CACNG5: variants seen among roughly 807,000 people sequenced by gnomAD.
The protein encoded by CACNG5 is voltage-dependent calcium channel gamma-5 subunit.
CACNG5 carries 18 observed loss-of-function variants against 24.8 expected under a neutral mutation model. That is an observed-to-expected ratio of 0.73 (90% CI 0.50 to 1.08). CACNG5 has a LOEUF of 1.08. Among genes scored for constraint, CACNG5 ranks in the 50% least tolerant of loss-of-function variants. The pLI is 0.00. For missense variants in CACNG5, 349 were observed against 367.9 expected, an observed-to-expected ratio of 0.95 and a Z score of 0.42; for synonymous variants, 157 against 149.1, an observed-to-expected ratio of 1.05 and a Z score of -0.39.
rs1977360944 is a variant in CACNG5, at chr17:66,892,653, A to T, written c.*7413A>T. On this transcript the variant is annotated 3_prime_UTR_variant, in exon 6 of 6. Transcript: ENST00000533854. ...GCCAATTTTTACTTTAAATCCACCC[A>T]CACTCATACACCTCCCACCCTATTT... is the stretch of plus-strand genomic sequence containing the variant. 6.6e-6 allele frequency among the ~76,000 whole-genome samples: 1 copy of T among 152,230 alleles called. No homozygotes were observed. Among genetic ancestry groups the T allele is most frequent in the East Asian group, 1.9e-4 (1 of 5,200 alleles).
At chr17:66,850,731 G>T (rs937171337) in intron 1 of CACNG5, among the ~76,000 whole-genome samples, 12 of 152,270 alleles carry the variant, frequency 7.9e-5, no homozygotes, top group African/African-American at 2.4e-4. Context: ...GGGGTTGGGG[G>T]TGTTAGAGCT....
At chr17:66,865,394 C>T (rs1976915260) in intron 1 of CACNG5, among the ~76,000 whole-genome samples, 1 of 151,684 alleles carries the variant, frequency 6.6e-6, no homozygotes, top group South Asian at 2.1e-4. Flanking sequence ...CATAGGAGGT[C>T]TTGGAATTTT....
At chr17:66,884,760 A>G (rs1368526585) in intron 5 of CACNG5, 99 bp downstream of exon 5, 2 of 1,613,542 alleles carry the variant, frequency 1.2e-6, no homozygotes, top group Admixed American at 3.3e-5. Flanking sequence ...TTCCACAACC[A>G]TTTTGGACCC....
At position 66,887,260 on chromosome 17, in the gene CACNG5, A is replaced by G. The variant is rs930402160; in HGVS notation, c.*2020A>G. 6.6e-6 allele frequency among the ~76,000 whole-genome samples: 1 copy of G among 151,576 alleles called. No homozygotes were observed. Among genetic ancestry groups the G allele is most frequent in the South Asian group, 2.1e-4 (1 of 4,792 alleles). On this transcript the variant is annotated 3_prime_UTR_variant, in exon 6 of 6. Coordinates refer to ENST00000533854, the MANE Select transcript of CACNG5 (RefSeq NM_145811.3). ...ACGAATCCTTGGGCAACACCCTTCC[A>G]CTCTGAGGGGCTTGGCCTAAATGGT...
chr17:66,848,396 G>A (rs916274155), intron 1 of CACNG5, among the ~76,000 whole-genome samples: 1 of 152,206 alleles, frequency 6.6e-6, no homozygotes, highest in Admixed American at 6.5e-5. Context: ...CCCATCAAAT[G>A]GGGGCTGCAG....
intron 1 of CACNG5, among the ~76,000 whole-genome samples, chr17:66,865,024 G>A (rs1024188309): frequency 1.3e-5 from 2 of 152,132 alleles, no homozygotes; most frequent in African/African-American, 4.8e-5. Flanking sequence ...AGCCTCCCAA[G>A]TGTTGAGATT....
intron 1 of CACNG5, among the ~76,000 whole-genome samples, chr17:66,846,417 A>G (rs1396215716): frequency 6.6e-6 from 1 of 152,128 alleles, no homozygotes; most frequent in Non-Finnish European, 1.5e-5. Context: ...GCAACCTCTA[A>G]TCTGCTTTCT....
chr17:66,884,608 T>C lies in CACNG5; in HGVS notation c.517T>C (p.Tyr173His), dbSNP rs764950157. 3.7e-6 allele frequency: 6 copies of C among 1,614,118 alleles called. No individual in the cohort carries two copies. Among genetic ancestry groups the C allele is most frequent in the Non-Finnish European group, 5.1e-6 (6 of 1,180,014 alleles). The part of the protein sequence containing the change: ...RTKDAETYFN[Y>H]KYGWSFAFAA... ...CAAGGATGCAGAGACCTACTTCAAC[T>C]ACAAGTATGGGTGGTCGTTTGCCTT... is the stretch of plus-strand genomic sequence containing the variant. The change falls in exon 5 of 6, where the codon TAC (tyrosine) becomes CAC (histidine). Residue 173 changes from tyrosine to histidine, a missense_variant. Physicochemically the swap from Tyr to His is moderately conservative, Grantham distance 83. Coordinates refer to ENST00000533854, the MANE Select transcript of CACNG5 (RefSeq NM_145811.3).
chr17:66,849,241 TCCTGATGGATG>T (rs1976678637), intron 1 of CACNG5, among the ~76,000 whole-genome samples: 1 of 149,828 alleles, frequency 6.7e-6, no homozygotes, highest in African/African-American at 2.4e-5. Flanking sequence ...GCCGTCTCCA[TCCTGATGGATG>T]CATTGTTGTG....
chr17:66,841,708 G>T (rs1405967445), intron 1 of CACNG5, among the ~76,000 whole-genome samples: 1 of 152,194 alleles, frequency 6.6e-6, no homozygotes, highest in African/African-American at 2.4e-5. Context: ...CTCAGTGCGT[G>T]AGCTTAGACA....
intron 1 of CACNG5, among the ~76,000 whole-genome samples, chr17:66,876,728 G>C (rs75620918): frequency 6.6e-6 from 1 of 152,094 alleles, no homozygotes; most frequent in Non-Finnish European, 1.5e-5. Flanking sequence ...CCATTTTCCT[G>C]TCTGGAGCTG....
In CACNG5 at chr17:66,877,367, T is replaced by C. The variant is rs1295163343; in HGVS notation, c.35T>C (p.Leu12Pro). 3.7e-6 allele frequency: 6 copies of C among 1,614,046 alleles called. No individual in the cohort carries two copies. The change falls in exon 2 of 6, where the codon CTG becomes CCG. Residue 12 changes from leucine (L) to proline (P), a missense_variant. Leu to Pro is a moderately conservative substitution (Grantham distance 98, BLOSUM62 -3). Coordinates refer to ENST00000533854, the MANE Select transcript of CACNG5 (RefSeq NM_145811.3). ...TGCGGGAGGAAGGCCCTGACCCTGCTGAGCAGTGTCTTTGCTGTCTGTGGC... is the reference window on the plus strand; with the variant it reads ...TGCGGGAGGAAGGCCCTGACCCTGCCGAGCAGTGTCTTTGCTGTCTGTGGC... ...SACGRKALTL[L>P]SSVFAVCGLG...
rs1977373895 is a variant in CACNG5 at position 66,893,713 on chromosome 17, C to A, written c.*8473C>A. On this transcript the variant is annotated 3_prime_UTR_variant, in exon 6 of 6. Transcript: ENST00000533854. ...CAAATGGCCAGTGGGTGTGCCATGG[C>A]AGGTGAGACCCGCCCCCCCAACCCG... is the stretch of plus-strand genomic sequence containing the variant. 6.6e-6 allele frequency among the ~76,000 whole-genome samples: 1 copy of A among 152,174 alleles called. No individual in the cohort carries two copies. Among genetic ancestry groups the A allele is most frequent in the Non-Finnish European group, 1.5e-5 (1 of 68,030 alleles).
chr17:66,884,450 G>T, intron 4 of CACNG5, 66 bp from the exon 5 acceptor site: 1 of 1,505,854 alleles, frequency 6.6e-7, no homozygotes, highest in South Asian at 1.3e-5. Context: ...AGGGAGGTGG[G>T]TGCCACCTCA....
Position 66,877,312 on chromosome 17 carries a change from G to T in CACNG5, c.-21G>T, listed in dbSNP as rs778028258. On this transcript the variant is annotated 5_prime_UTR_variant, in exon 2 of 6. Coordinates refer to ENST00000533854, the MANE Select transcript of CACNG5 (RefSeq NM_145811.3). ...GCTGGTGGGAGCGTGGCGACTAGTT[G>T]CACAGCAACGGTCCAGGAAGATGAG... is the stretch of plus-strand genomic sequence containing the variant. 1.2e-6 allele frequency: 2 copies of T among 1,607,298 alleles called. No homozygotes were observed. Among genetic ancestry groups the T allele is most frequent in the South Asian group, 2.2e-5 (2 of 90,684 alleles).
chr17:66,846,432 C>T (rs866428804), intron 1 of CACNG5, among the ~76,000 whole-genome samples: 4 of 152,164 alleles, frequency 2.6e-5, no homozygotes, highest in African/African-American at 9.7e-5. Context: ...CTTTCTGTCC[C>T]TCTAGATTTG....
At chr17:66,850,606 A>G (rs1321172921) in intron 1 of CACNG5, among the ~76,000 whole-genome samples, 2 of 152,076 alleles carry the variant, frequency 1.3e-5, no homozygotes, top group Non-Finnish European at 2.9e-5. Context: ...ACATACACAC[A>G]CACACACACA....
chr17:66,864,757 C>T (rs1976907553), intron 1 of CACNG5, among the ~76,000 whole-genome samples: 1 of 152,184 alleles, frequency 6.6e-6, no homozygotes, highest in Non-Finnish European at 1.5e-5. Context: ...AAGAAATATC[C>T]TGGTTATTCT....
In CACNG5 at chr17:66,884,522, C is replaced by T; in HGVS notation, c.431C>T (p.Ser144Phe). The T allele has an allele frequency of 6.2e-7, 1 of 1,609,074 alleles. No homozygotes were observed. Among genetic ancestry groups the T allele is most frequent in the South Asian group, 1.1e-5 (1 of 90,198 alleles). The change falls in exon 5 of 6, where the codon TCT (serine) becomes TTT (phenylalanine). Residue 144 changes from serine (S) to phenylalanine (F), a missense_variant. Ser to Phe is a radical substitution (Grantham distance 155, BLOSUM62 -2). Transcript: ENST00000533854. ...TCCCCTGCTGCCCAACCAGGCCTCT[C>T]TCTCGTGGTGGGCCTGGTGCTCTAC... ...SGIFFILSGLSLVVGLVLYIS... is the reference protein window; with the variant it reads ...SGIFFILSGLFLVVGLVLYIS...
Sources: gnomAD v4.1 joint callset for allele counts (sites outside exome capture counted in the v4.1 genomes callset) on GRCh38, gnomAD v4.1.1 for gene constraint, MANE v1.5 for transcripts, NCBI Gene and HGNC (gene_info 2026-07-23, HGNC 2026-07-21) for gene names.